BCOR: variants seen among roughly 807,000 people sequenced by gnomAD.
The protein encoded by BCOR is BCL-6 corepressor.
Under a neutral mutation model 86.7 loss-of-function variants are expected in BCOR, and 10 were observed. The observed-to-expected ratio is 0.12, with a 90% CI of 0.07 to 0.20. BCOR has a LOEUF of 0.20. Ranked by LOEUF, BCOR falls within the 10% of genes least tolerant of loss-of-function variation. The pLI, the probability that BCOR is intolerant of heterozygous loss-of-function variation, is 1.00. For synonymous variants in BCOR, 611 were observed against 609.0 expected, an observed-to-expected ratio of 1.00 and a Z score of -0.05; for missense variants, 1,259 against 1,452.1, an observed-to-expected ratio of 0.87 and a Z score of 2.16.
At chrX:40,075,738 G>C (rs1203249063) in intron 3 of BCOR, among the ~76,000 whole-genome samples, 3 of 111,111 alleles carry the variant, frequency 2.7e-5, no homozygotes, top group African/African-American at 9.8e-5. Context: ...CAGGCCGGGC[G>C]ACACAGCGAG....
intron 14 of BCOR, 106 bp from the exon 15 acceptor site, chrX:40,052,506 C>A: frequency 6.5e-6 from 4 of 617,129 alleles, no homozygotes; most frequent in Non-Finnish European, 1.0e-5. Context: ...TATGTCCTTT[C>A]ATTCTGCTCC....
intron 1 of BCOR, among the ~76,000 whole-genome samples, chrX:40,163,079 T>C (rs1378008513): frequency 3.6e-5 from 4 of 111,929 alleles, no homozygotes; most frequent in Non-Finnish European, 7.5e-5. Flanking sequence ...AGGAAATGCA[T>C]TGACTACATT....
At chrX:40,056,847 C>A in intron 11 of BCOR, among the ~76,000 whole-genome samples, 1 of 112,131 alleles carries the variant, frequency 8.9e-6, no homozygotes, top group African/African-American at 3.2e-5. Flanking sequence ...ACAGTGACTT[C>A]ATAGATGGTG....
intron 8 of BCOR, 106 bp from the exon 9 acceptor site, chrX:40,063,177 C>A: frequency 1.8e-6 from 1 of 553,873 alleles, no homozygotes; most frequent in South Asian, 3.3e-5. Context: ...ATTGTTAACA[C>A]TGATCACTGG....
At chrX:40,161,629 C>T (rs919653021) in intron 1 of BCOR, among the ~76,000 whole-genome samples, 29 of 106,642 alleles carry the variant, frequency 2.7e-4, no homozygotes, top group African/African-American at 9.9e-4. Context: ...TTCTCCTGCC[C>T]CAGCCTCCCG....
In BCOR at chrX:40,051,698, C is replaced by T. The variant is rs978699163; in HGVS notation, c.*411G>A. 1.1e-5 allele frequency: 2 copies of T among 180,507 alleles called. No individual in the cohort carries two copies. The highest frequency in any genetic ancestry group is 2.9e-5 in the African/African-American group (1 of 34,111). The allele number at this position is 180,507 out of a possible 1,213,427, so 14.9% of individuals were successfully genotyped here. On this transcript the variant is annotated 3_prime_UTR_variant, in exon 15 of 15. Coordinates refer to ENST00000378444, the MANE Select transcript of BCOR (RefSeq NM_001123385.2). ...CAAAGTTATATCACCAAGTGCCTTC[C>T]CCGAATTCGCTCCCTCAAACCAACC... is the stretch of plus-strand genomic sequence containing the variant.
intron 1 of BCOR, among the ~76,000 whole-genome samples, chrX:40,083,314 C>T (rs903100940): frequency 1.8e-5 from 2 of 111,020 alleles, no homozygotes; most frequent in African/African-American, 6.6e-5. Flanking sequence ...GACCCCCTCC[C>T]CCGAGAGAGT....
chrX:40,176,565 G>T (rs1242944637), intron 1 of BCOR, among the ~76,000 whole-genome samples: 1 of 112,700 alleles, frequency 8.9e-6, no homozygotes, highest in East Asian at 2.8e-4. Flanking sequence ...CTCGCCCCGG[G>T]AGCCCGCTTC....
chrX:40,071,522 T>C, intron 5 of BCOR, 115 bp downstream of exon 5: 1 of 551,635 alleles, frequency 1.8e-6, no homozygotes, highest in African/African-American at 2.4e-5. Context: ...AGAAACAAAA[T>C]ACACAATGAA....
intron 1 of BCOR, among the ~76,000 whole-genome samples, chrX:40,170,354 G>GT (rs1346455193): frequency 1.3e-3 from 142 of 107,912 alleles, no homozygotes; most frequent in African/African-American, 4.7e-3. Context: ...TTTTGGTTTT[G>GT]GTTTTTTTTT....
At chrX:40,122,703 C>G (rs1937504611) in intron 1 of BCOR, among the ~76,000 whole-genome samples, 1 of 111,933 alleles carries the variant, frequency 8.9e-6, no homozygotes, top group Non-Finnish European at 1.9e-5. Context: ...GGCTTGTGGT[C>G]AGGCCTGTGA....
At chrX:40,059,218 C>A (rs1934750785) in intron 10 of BCOR, among the ~76,000 whole-genome samples, 1 of 112,010 alleles carries the variant, frequency 8.9e-6, no homozygotes. Context: ...TTGCCATTGG[C>A]CACCGTAACA....
intron 1 of BCOR, among the ~76,000 whole-genome samples, chrX:40,107,623 C>T (rs1035047860): frequency 2.6e-5 from 3 of 113,328 alleles, no homozygotes; most frequent in Non-Finnish European, 5.6e-5. Context: ...CTTCCCTAAT[C>T]CGCCTCTGCA....
chrX:40,063,087 G>A lies in BCOR; in HGVS notation c.3848-16C>T. ...ACAGGCAAGCCTAAATACGGAGGGGGTGACGGGGTGGCGGGCGGATGGGAG... is the reference window on the plus strand; with the variant it reads ...ACAGGCAAGCCTAAATACGGAGGGGATGACGGGGTGGCGGGCGGATGGGAG... On this transcript the variant is annotated splice_polypyrimidine_tract_variant and intron_variant, in intron 8 of 14. Coordinates refer to ENST00000378444, the MANE Select transcript of BCOR (RefSeq NM_001123385.2). The A allele has an allele frequency of 1.0e-6, 1 of 1,000,740 alleles. No individual in the cohort carries two copies. Among genetic ancestry groups the A allele is most frequent in the Admixed American group, 2.8e-5 (1 of 35,580 alleles). 82.5% of individuals were successfully genotyped at this position (1,000,740 alleles called of 1,213,427 possible). A position where few individuals can be genotyped will look rare whatever the true frequency, so the allele number is the denominator to read the frequency against.
chrX:40,111,226 A>AC lies in BCOR; in HGVS notation c.-40-33258dup, dbSNP rs1184540659. ...GCTTTTCCTTGCTGCCTCCACCCTC[A>AC]CCCCCCATACCCTTTCTTGAAAGGC... On this transcript the variant is annotated intron_variant, in intron 1 of 14. Coordinates refer to the BCOR transcript ENST00000342274. 5.5e-5 allele frequency among the ~76,000 whole-genome samples: 6 copies of AC among 108,486 alleles called. No individual in the cohort carries two copies. The East Asian group carries it at 8.7e-4, about 16-fold the overall frequency. 94.2% of individuals were successfully genotyped at this position (108,486 alleles called of 115,157 possible). A position where few individuals can be genotyped will look rare whatever the true frequency, so the allele number is the denominator to read the frequency against.
At chrX:40,150,566 T>C (rs1400376496) in intron 1 of BCOR, among the ~76,000 whole-genome samples, 4 of 111,956 alleles carry the variant, frequency 3.6e-5, no homozygotes, top group Admixed American at 9.4e-5. Context: ...CTCCACTCTT[T>C]GTTACCTAAC....
At chrX:40,113,830 T>G (rs1006525651) in intron 1 of BCOR, among the ~76,000 whole-genome samples, 1 of 110,821 alleles carries the variant, frequency 9.0e-6, no homozygotes, top group African/African-American at 3.3e-5. Flanking sequence ...TTCTTTCTTT[T>G]TTTTTTGAGA....
chrX:40,069,347 G>C (rs1935358589), intron 6 of BCOR, among the ~76,000 whole-genome samples: 1 of 112,038 alleles, frequency 8.9e-6, no homozygotes, highest in African/African-American at 3.2e-5. Flanking sequence ...GCCCTGTCCT[G>C]GGTGCTCCAA....
intron 1 of BCOR, among the ~76,000 whole-genome samples, chrX:40,176,617 C>G (rs1014947466): frequency 9.0e-6 from 1 of 111,504 alleles, no homozygotes; most frequent in Admixed American, 9.3e-5. Flanking sequence ...TCGTCCGGCC[C>G]GTGCCGCACC....
Sources: allele counts gnomAD v4.1 joint callset (sites outside exome capture counted in the v4.1 genomes callset), GRCh38; gene constraint gnomAD v4.1.1; transcripts MANE v1.5; gene names NCBI Gene and HGNC (gene_info 2026-07-23, HGNC 2026-07-21).